The following LIPC variants were observed in gnomAD, a reference collection of about 807,000 sequenced individuals.
The protein encoded by LIPC is hepatic triacylglycerol lipase.
LIPC carries 44 observed loss-of-function variants against 50.7 expected under a neutral mutation model. The observed-to-expected ratio is 0.87, with a 90% CI of 0.68 to 1.11. LIPC has a LOEUF of 1.11. Ranked by LOEUF, LIPC falls within the 50% of genes most tolerant of loss-of-function variation. The pLI is 0.00. For synonymous variants in LIPC, 271 were observed against 256.4 expected, an observed-to-expected ratio of 1.06 and a Z score of -0.54; for missense variants, 697 against 648.2, an observed-to-expected ratio of 1.08 and a Z score of -0.82.
chr15:58,444,944 G>A (rs866636867), intron 1 of LIPC, among the ~76,000 whole-genome samples: 2 of 152,190 alleles, frequency 1.3e-5, no homozygotes, highest in East Asian at 3.8e-4. Context: ...AGGCTTCCGC[G>A]TTAGAAAAAA....
At chr15:58,542,887 C>T (rs1242376307) in intron 4 of LIPC, among the ~76,000 whole-genome samples, 1 of 152,182 alleles carries the variant, frequency 6.6e-6, no homozygotes, top group Non-Finnish European at 1.5e-5. Context: ...AAACGAATAC[C>T]TCATGTTGGT....
chr15:58,564,391 A>G (rs1158865690), intron 8 of LIPC, among the ~76,000 whole-genome samples: 1 of 152,052 alleles, frequency 6.6e-6, no homozygotes, highest in Non-Finnish European at 1.5e-5. Context: ...CGTGGCCCCA[A>G]AGTCTCCAGG....
intron 1 of LIPC, among the ~76,000 whole-genome samples, chr15:58,439,330 A>G (rs1893424270): frequency 6.6e-6 from 1 of 152,214 alleles, no homozygotes; most frequent in Non-Finnish European, 1.5e-5. Flanking sequence ...GACTTTCATG[A>G]TTTAAATAAT....
chr15:58,560,071 A>G (rs1419370887), intron 6 of LIPC, among the ~76,000 whole-genome samples: 1 of 152,220 alleles, frequency 6.6e-6, no homozygotes, highest in African/African-American at 2.4e-5. Context: ...AGATGATGCA[A>G]TGCATTCAAC....
At chr15:58,549,574 G>A (rs1268037986) in intron 6 of LIPC, among the ~76,000 whole-genome samples, 1 of 152,246 alleles carries the variant, frequency 6.6e-6, no homozygotes, top group African/African-American at 2.4e-5. Flanking sequence ...CAGCTGTGCA[G>A]CTGTAAGGAG....
chr15:58,494,369 C>T (rs1222468207), intron 1 of LIPC, among the ~76,000 whole-genome samples: 1 of 152,192 alleles, frequency 6.6e-6, no homozygotes, highest in Non-Finnish European at 1.5e-5. Flanking sequence ...GTTACTCCAG[C>T]AGGTACAGAG....
rs150407747 is a variant in LIPC, at chr15:58,505,190, C to T, written c.89-33143C>T. The stretch of plus-strand genomic sequence containing the variant: ...AGGGGAAAGGCTACCACTCTACAGC[C>T]GGCCATCAGGGTGCTGGGCTACAGC... On this transcript the variant is annotated intron_variant, in intron 1 of 8. Transcript: ENST00000299022. Among the ~76,000 whole-genome samples, 903 of 152,340 alleles carry T rather than the reference C, an allele frequency of 5.9e-3. 4 individuals are homozygous for T. The highest frequency in any genetic ancestry group is 9.1e-3 in the Admixed American group (139 of 15,302).
At chr15:58,515,533 C>CACAT (rs147594972) in intron 1 of LIPC, among the ~76,000 whole-genome samples, 76,749 of 141,534 alleles carry the variant, frequency 0.54, 20,726 homozygotes, top group Middle Eastern at 0.65. Context: ...TATACACACA[C>CACAT]ATATATATAT....
intron 1 of LIPC, among the ~76,000 whole-genome samples, chr15:58,445,522 C>T (rs1893664007): frequency 6.6e-6 from 1 of 152,196 alleles, no homozygotes; most frequent in Non-Finnish European, 1.5e-5. Context: ...GAGGACAGAG[C>T]TGGGGCTAGG....
At chr15:58,474,713 C>T (rs1201472754) in intron 1 of LIPC, among the ~76,000 whole-genome samples, 1 of 152,136 alleles carries the variant, frequency 6.6e-6, no homozygotes, top group East Asian at 1.9e-4. Flanking sequence ...TGACAACCTT[C>T]GAGGTCGTTC....
At chr15:58,563,917 C>A in intron 8 of LIPC, 194 bp downstream of exon 8, 2 of 632,584 alleles carry the variant, frequency 3.2e-6, no homozygotes, top group South Asian at 3.4e-5. Context: ...AGGATTCACA[C>A]CCAGGTCTTT....
intron 1 of LIPC, among the ~76,000 whole-genome samples, chr15:58,442,082 A>G (rs1274887749): frequency 9.2e-5 from 14 of 152,150 alleles, no homozygotes; most frequent in African/African-American, 3.1e-4. Flanking sequence ...CTTAATACCT[A>G]TGCCCTAGCT....
chr15:58,493,010 G>A (rs1374319792), intron 1 of LIPC, among the ~76,000 whole-genome samples: 2 of 152,092 alleles, frequency 1.3e-5, no homozygotes, highest in African/African-American at 4.8e-5. Context: ...CCTGGCGCCA[G>A]GTGCTCTTCC....
At chr15:58,445,070 C>T (rs474074) in intron 1 of LIPC, among the ~76,000 whole-genome samples, 15,772 of 152,280 alleles carry the variant, frequency 0.1, 814 homozygotes, top group Middle Eastern at 0.15. Context: ...ACACAGGAGC[C>T]GGCTGGCCGG....
chr15:58,538,799 C>T (rs1893229310), intron 2 of LIPC, among the ~76,000 whole-genome samples: 1 of 152,150 alleles, frequency 6.6e-6, no homozygotes, highest in Non-Finnish European at 1.5e-5. Context: ...CAAGGGATTG[C>T]AGTCCGTGCA....
chr15:58,490,502 A>G (rs1245544548), intron 1 of LIPC, among the ~76,000 whole-genome samples: 2 of 152,096 alleles, frequency 1.3e-5, no homozygotes, highest in South Asian at 2.1e-4. Context: ...CGTTCGCGGG[A>G]TAATTATCCT....
intron 1 of LIPC, among the ~76,000 whole-genome samples, chr15:58,494,153 C>A (rs1299019758): frequency 2.6e-5 from 4 of 152,242 alleles, no homozygotes; most frequent in Admixed American, 2.0e-4. Flanking sequence ...TGGCAGTTGG[C>A]TTCTCCCACA....
intron 1 of LIPC, among the ~76,000 whole-genome samples, chr15:58,509,111 A>T (rs1353126088): frequency 6.6e-6 from 1 of 152,206 alleles, no homozygotes. Flanking sequence ...ATATCACCAG[A>T]ATCCTCTCTT....
chr15:58,562,033 C>A (rs550704885), intron 7 of LIPC, among the ~76,000 whole-genome samples: 2 of 152,330 alleles, frequency 1.3e-5, no homozygotes, highest in Admixed American at 1.3e-4. Context: ...GCGCCAGATA[C>A]TACCTGAGCT....
Sources: allele counts gnomAD v4.1 joint callset (sites outside exome capture counted in the v4.1 genomes callset), GRCh38; gene constraint gnomAD v4.1.1; transcripts MANE v1.5; gene names NCBI Gene and HGNC (gene_info 2026-07-23, HGNC 2026-07-21).